The following LAMC1 variants were observed in gnomAD, a reference collection of about 807,000 sequenced individuals.
LAMC1 encodes laminin subunit gamma 1, also known as laminin subunit gamma-1.
In LAMC1, 38 loss-of-function variants were observed where a neutral mutation model predicts 173.6. The observed-to-expected ratio is 0.22, with a 90% CI of 0.17 to 0.29. The LOEUF is 0.29. Among genes scored for constraint, LAMC1 ranks in the 10% least tolerant of loss-of-function variants. LAMC1 has a pLI of 1.00. For missense variants in LAMC1, 1,824 were observed against 2,051.8 expected (o/e 0.89, Z 2.14); for synonymous variants, 746 against 749.1 (o/e 1.00, Z 0.07).
intron 1 of LAMC1, among the ~76,000 whole-genome samples, chr1:183,057,170 A>C (rs773019344): frequency 6.6e-6 from 1 of 152,240 alleles, no homozygotes; most frequent in Non-Finnish European, 1.5e-5. Flanking sequence ...AAACAGATTC[A>C]GAGAAACACA....
At chr1:183,055,473 T>TA (rs34551793) in intron 1 of LAMC1, among the ~76,000 whole-genome samples, 150 of 147,222 alleles carry the variant, frequency 1.0e-3, no homozygotes, top group Middle Eastern at 3.5e-3. Flanking sequence ...CCCTATTGTG[T>TA]AAAAAAAAAA....
In LAMC1 at chr1:183,121,866, A is replaced by G. The variant is rs1346817212; in HGVS notation, c.2134A>G (p.Thr712Ala). The G allele has an allele frequency of 6.2e-7, 1 of 1,613,644 alleles. No individual in the cohort carries two copies. The highest frequency in any genetic ancestry group is 1.3e-5 in the African/African-American group (1 of 74,754). Residue 712 changes from threonine (T) to alanine (A), a missense_variant, in exon 12 of 28, where the codon ACT (threonine) becomes GCT (alanine). Thr to Ala is a moderately conservative substitution (Grantham distance 58, BLOSUM62 0). Coordinates refer to ENST00000258341, the MANE Select transcript of LAMC1 (RefSeq NM_002293.4). ...EMCLSGYRRE[T>A]PNLGPYSPCV... The stretch of plus-strand genomic sequence containing the variant: ...GTGCCTCTCAGGTTACAGAAGAGAA[A>G]CTCCTAATCTTGGACCATACAGTCC...
intron 1 of LAMC1, among the ~76,000 whole-genome samples, chr1:183,085,887 CCTT>C (rs1359716888): frequency 1.3e-5 from 2 of 152,202 alleles, no homozygotes; most frequent in South Asian, 2.1e-4. Context: ...CTCTTTTTCT[CCTT>C]CTCATATACC....
intron 1 of LAMC1, among the ~76,000 whole-genome samples, chr1:183,097,060 T>C (rs1275086492): frequency 6.6e-6 from 1 of 152,188 alleles, no homozygotes; most frequent in Non-Finnish European, 1.5e-5. Context: ...TGGGTCGTCT[T>C]AATCAGTGAG....
rs1447448213 is a variant in LAMC1 at position 183,130,477 on chromosome 1, A to G, written c.3414A>G (p.Val1138=). Residue 1138 remains valine, a synonymous_variant, in exon 19 of 28, where the codon GTA becomes GTG. Transcript: ENST00000258341. ...TGGCTGAACAAGCGCGTGCCCATGT[A>G]GAGAACACAGAGCGGTTGATTGAAA... ...GNLAEQARAH[V]ENTERLIEIA... 1 of 1,614,074 alleles carries G rather than the reference A, an allele frequency of 6.2e-7. No individual in the cohort carries two copies. Among genetic ancestry groups the G allele is most frequent in the Non-Finnish European group, 8.5e-7 (1 of 1,180,006 alleles).
At chr1:183,097,062 A>G (rs1190679620) in intron 1 of LAMC1, among the ~76,000 whole-genome samples, 2 of 152,178 alleles carry the variant, frequency 1.3e-5, no homozygotes, top group African/African-American at 4.8e-5. Context: ...GGTCGTCTTA[A>G]TCAGTGAGGC....
At position 183,145,330 on chromosome 1, in the gene LAMC1, A is replaced by G. The variant is rs1367001621; in HGVS notation, c.*2540A>G. Reference sequence around the variant, plus strand: ...TTATTGTCTAGCTCCAGTTATCTGTATTTTATGTAATGTAATTGACAGGAT... The same window carrying G: ...TTATTGTCTAGCTCCAGTTATCTGTGTTTTATGTAATGTAATTGACAGGAT... On this transcript the variant is annotated 3_prime_UTR_variant, in exon 28 of 28. Coordinates refer to ENST00000258341, the MANE Select transcript of LAMC1 (RefSeq NM_002293.4). 1 of 152,554 alleles carries G rather than the reference A, an allele frequency of 6.6e-6. No individual in the cohort carries two copies. The highest frequency in any genetic ancestry group is 1.5e-5 in the Non-Finnish European group (1 of 68,028). 9.5% of individuals were successfully genotyped at this position (152,554 alleles called of 1,614,324 possible). A position where few individuals can be genotyped will look rare whatever the true frequency, so the allele number is the denominator to read the frequency against.
At chr1:183,141,012 AG>A (rs2102117539) in intron 27 of LAMC1, 1 of 152,382 alleles carries the variant, frequency 6.6e-6, no homozygotes, top group South Asian at 2.1e-4. Flanking sequence ...GTAGAATAAA[AG>A]AATAGTAGAA....
At position 183,038,219 on chromosome 1, in the gene LAMC1, A is replaced by G. The variant is rs148214153; in HGVS notation, c.418+14085A>G. ...CCTGGCTAATTTTTGTATTTTTAAT[A>G]AAGATGGGGTTCTACCATGTTGGCC... On this transcript the variant is annotated intron_variant, in intron 1 of 27. Coordinates refer to ENST00000258341, the MANE Select transcript of LAMC1 (RefSeq NM_002293.4). Among the ~76,000 whole-genome samples the G allele has an allele frequency of 1.1e-3, 169 of 152,128 alleles. 1 individual carries two copies. The highest frequency in any genetic ancestry group is 1.8e-3 in the Non-Finnish European group (121 of 67,994).
intron 14 of LAMC1, among the ~76,000 whole-genome samples, 158 bp downstream of exon 14, chr1:183,125,034 G>A (rs1361071931): frequency 6.6e-6 from 1 of 152,144 alleles, no homozygotes; most frequent in Non-Finnish European, 1.5e-5. Flanking sequence ...CATTAAAAAA[G>A]TATAAAGAAG....
At chr1:183,099,692 G>A (rs758954094) in intron 1 of LAMC1, among the ~76,000 whole-genome samples, 17 of 152,014 alleles carry the variant, frequency 1.1e-4, no homozygotes, top group Non-Finnish European at 2.1e-4. Context: ...CAGCTGTCAC[G>A]GAACACACTT....
Position 183,143,184 on chromosome 1 carries a change from G to GT in LAMC1, c.*397dup, listed in dbSNP as rs775428748. On this transcript the variant is annotated 3_prime_UTR_variant, in exon 28 of 28. Transcript: ENST00000258341. The stretch of plus-strand genomic sequence containing the variant: ...GAACCTCCTCAGTCTCAGTACTCTT[G>GT]TTTCTATGAAGGAAAAGTTTGGCTA... 4.2e-5 allele frequency: 7 copies of GT among 166,008 alleles called. No individual in the cohort carries two copies. The highest frequency in any genetic ancestry group is 9.3e-5 in the Non-Finnish European group (7 of 75,614). The allele number at this position is 166,008 out of a possible 1,614,324, so 10.3% of individuals were successfully genotyped here. A position where few individuals can be genotyped will look rare whatever the true frequency, so the allele number is the denominator to read the frequency against.
At chr1:183,128,232 G>A (rs966961643) in intron 17 of LAMC1, among the ~76,000 whole-genome samples, 1 of 152,138 alleles carries the variant, frequency 6.6e-6, no homozygotes, top group Non-Finnish European at 1.5e-5. Flanking sequence ...GACACTCAAG[G>A]GAGAGGTCAG....
chr1:183,140,563 C>G, intron 27 of LAMC1, 60 bp downstream of exon 27: 2 of 1,087,594 alleles, frequency 1.8e-6, no homozygotes, highest in Non-Finnish European at 2.8e-6. Flanking sequence ...TTCTTAGGAT[C>G]TGATATAGTA....
intron 1 of LAMC1, among the ~76,000 whole-genome samples, chr1:183,062,993 T>C (rs1339142879): frequency 6.6e-6 from 1 of 152,160 alleles, no homozygotes; most frequent in African/African-American, 2.4e-5. Context: ...ACTAATCATA[T>C]TTAGTGACAT....
intron 1 of LAMC1, among the ~76,000 whole-genome samples, chr1:183,041,321 C>A (rs1442514336): frequency 2.0e-5 from 3 of 152,210 alleles, no homozygotes; most frequent in African/African-American, 7.2e-5. Context: ...GGTACTACTA[C>A]ATTTTTTTCT....
At chr1:183,083,285 G>A (rs939533658) in intron 1 of LAMC1, among the ~76,000 whole-genome samples, 3 of 152,080 alleles carry the variant, frequency 2.0e-5, no homozygotes, top group African/African-American at 7.2e-5. Context: ...TTAAAGTTGA[G>A]TTTTCTTTTG....
At chr1:183,128,390 C>T (rs1047786089) in intron 17 of LAMC1, among the ~76,000 whole-genome samples, 1 of 151,750 alleles carries the variant, frequency 6.6e-6, no homozygotes, top group Admixed American at 6.6e-5. Flanking sequence ...ATGCAGCACA[C>T]CAACATGGCA....
chr1:183,025,474 T>C (rs913393790), intron 1 of LAMC1, among the ~76,000 whole-genome samples: 2 of 152,258 alleles, frequency 1.3e-5, no homozygotes, highest in African/African-American at 2.4e-5. Context: ...AAAATGATAC[T>C]ATGAGGTATC....
Sources: gnomAD v4.1 joint callset for allele counts (sites outside exome capture counted in the v4.1 genomes callset) on GRCh38, gnomAD v4.1.1 for gene constraint, MANE v1.5 for transcripts, NCBI Gene and HGNC (gene_info 2026-07-23, HGNC 2026-07-21) for gene names.